USP25: variants seen among roughly 807,000 people sequenced by gnomAD.
USP25 encodes the protein ubiquitin carboxyl-terminal hydrolase 25.
Under a neutral mutation model 158.5 loss-of-function variants are expected in USP25, and 85 were observed. The observed-to-expected ratio is 0.54, with a 90% confidence interval of 0.45 to 0.64. The LOEUF (loss-of-function observed/expected upper bound fraction) is 0.64, where lower values mean the gene tolerates loss of function less well. Ranked by LOEUF, USP25 falls within the 30% of genes least tolerant of loss-of-function variation. USP25 has a pLI of 0.00. For missense variants in USP25, 1,242 were observed against 1,327.3 expected (o/e 0.94, Z 1.00); for synonymous variants, 464 against 460.4 (o/e 1.01, Z -0.10).
At chr21:15,777,495 G>T (rs1023109742) in intron 3 of USP25, among the ~76,000 whole-genome samples, 4 of 152,220 alleles carry the variant, frequency 2.6e-5, no homozygotes, top group Admixed American at 2.0e-4. Context: ...ATGTCTAGAT[G>T]GTAGTAGTAT....
intron 1 of USP25, among the ~76,000 whole-genome samples, chr21:15,741,545 G>A (rs2032058802): frequency 6.6e-6 from 1 of 152,134 alleles, no homozygotes; most frequent in Admixed American, 6.5e-5. Flanking sequence ...TGAATATGTG[G>A]TGTACCTCAT....
At position 15,827,836 on chromosome 21, in the gene USP25, ACT is replaced by A. The variant is rs553682378; in HGVS notation, c.1693+638_1693+639del. 1.9e-4 allele frequency among the ~76,000 whole-genome samples: 27 copies of A among 142,784 alleles called. No homozygotes were observed. The South Asian group carries it at 5.5e-3, about 29-fold the overall frequency. The allele number at this position is 142,784 out of a possible 152,430, so 93.7% of individuals were successfully genotyped here. A position where few individuals can be genotyped will look rare whatever the true frequency, so the allele number is the denominator to read the frequency against. ...TGCCATCTGTCCTTTCTTGGAAGGA[ACT>A]CTCTTTTATTCTTTTCTATTCTATT... is the stretch of plus-strand genomic sequence containing the variant. On this transcript the variant is annotated intron_variant, in intron 14 of 25. Transcript: ENST00000400183.
intron 20 of USP25, among the ~76,000 whole-genome samples, chr21:15,857,123 T>A (rs2039188437): frequency 6.6e-6 from 1 of 152,208 alleles, no homozygotes; most frequent in Non-Finnish European, 1.5e-5. Context: ...CTCAGGCAAT[T>A]TATTAAATTA....
chr21:15,810,890 G>T (rs981442698), intron 8 of USP25, among the ~76,000 whole-genome samples: 1 of 152,140 alleles, frequency 6.6e-6, no homozygotes, highest in Admixed American at 6.5e-5. Context: ...CATACACGTA[G>T]TAGCTCATTT....
At chr21:15,763,954 A>T (rs1191138132) in intron 2 of USP25, among the ~76,000 whole-genome samples, 5 of 152,144 alleles carry the variant, frequency 3.3e-5, no homozygotes, top group Non-Finnish European at 7.4e-5. Context: ...CACAGCCTGT[A>T]TGTGGAGAAG....
intron 3 of USP25, among the ~76,000 whole-genome samples, chr21:15,772,082 T>A (rs2034389880): frequency 6.6e-6 from 1 of 152,192 alleles, no homozygotes; most frequent in Non-Finnish European, 1.5e-5. Flanking sequence ...TAAGATTCAC[T>A]TACATAATTC....
At chr21:15,730,732 A>T (rs2030741141) in intron 1 of USP25, among the ~76,000 whole-genome samples, 1 of 152,216 alleles carries the variant, frequency 6.6e-6, no homozygotes, top group African/African-American at 2.4e-5. Flanking sequence ...TCTGTGTGGC[A>T]TCTTAATGAA....
At chr21:15,866,916 CT>C (rs2039684168) in intron 22 of USP25, among the ~76,000 whole-genome samples, 1 of 152,172 alleles carries the variant, frequency 6.6e-6, no homozygotes, top group Non-Finnish European at 1.5e-5. Flanking sequence ...ACATTCTTAA[CT>C]GTTGCACTAC....
At chr21:15,832,089 A>G (rs1218788444) in intron 16 of USP25, among the ~76,000 whole-genome samples, 2 of 152,308 alleles carry the variant, frequency 1.3e-5, no homozygotes, top group Non-Finnish European at 2.9e-5. Context: ...ATTTTTTGCT[A>G]GTAATTCTTT....
At chr21:15,799,949 A>C in intron 6 of USP25, 106 bp downstream of exon 6, 1 of 548,020 alleles carries the variant, frequency 1.8e-6, no homozygotes, top group Non-Finnish European at 3.0e-6. Flanking sequence ...GAAACTGTCA[A>C]TTTGAATGTC....
intron 8 of USP25, among the ~76,000 whole-genome samples, chr21:15,809,138 G>A (rs527944104): frequency 2.0e-5 from 3 of 152,268 alleles, no homozygotes; most frequent in Admixed American, 6.5e-5. Context: ...TTTTCATGAC[G>A]AGGAATGAAT....
intron 7 of USP25, among the ~76,000 whole-genome samples, chr21:15,806,337 T>C (rs1165829295): frequency 6.6e-6 from 1 of 152,098 alleles, no homozygotes. Flanking sequence ...CCAGTGATTC[T>C]GAGTATACAA....
rs112495021 is a variant in USP25 at position 15,805,106 on chromosome 21, T to G, written c.643-15T>G. ...CAGTTAAGGTGTTTTTGTTTTTGTT[T>G]TTTTCCTTCAATAGGAACATCGGAA... On this transcript the variant is annotated splice_polypyrimidine_tract_variant and intron_variant, in intron 6 of 25. Coordinates refer to ENST00000400183, the MANE Select transcript of USP25 (RefSeq NM_001283041.3). 6.4e-6 allele frequency: 10 copies of G among 1,563,704 alleles called. No individual in the cohort carries two copies. The African/African-American group carries it at 7.0e-5, about 11-fold the overall frequency.
At chr21:15,830,667 C>T (rs1248698944) in intron 15 of USP25, 66 bp downstream of exon 15, 4 of 1,261,090 alleles carry the variant, frequency 3.2e-6, no homozygotes, top group Admixed American at 2.5e-5. Flanking sequence ...TTTACCTTTA[C>T]ATTATCTTAA....
intron 14 of USP25, among the ~76,000 whole-genome samples, chr21:15,829,626 T>A (rs1198780072): frequency 6.6e-6 from 1 of 152,360 alleles, no homozygotes; most frequent in African/African-American, 2.4e-5. Flanking sequence ...GCCCATTTTT[T>A]AAGTATTGAG....
intron 17 of USP25, among the ~76,000 whole-genome samples, chr21:15,841,834 A>T (rs1042575491): frequency 2.0e-5 from 3 of 152,070 alleles, no homozygotes; most frequent in Non-Finnish European, 2.9e-5. Context: ...TTCATTGTAC[A>T]TTGTTGGATA....
chr21:15,768,558 T>C (rs2123443312), intron 3 of USP25, among the ~76,000 whole-genome samples: 1 of 152,166 alleles, frequency 6.6e-6, no homozygotes, highest in Admixed American at 6.5e-5. Flanking sequence ...TCTTGGAAGA[T>C]GTGGTAAAAC....
At chr21:15,824,597 TTCTG>T (rs999013641) in intron 11 of USP25, among the ~76,000 whole-genome samples, 12 of 152,106 alleles carry the variant, frequency 7.9e-5, no homozygotes, top group African/African-American at 1.7e-4. Flanking sequence ...CTGTCTGTCT[TTCTG>T]TCTATCTTTC....
At chr21:15,862,061 TA>T (rs1331714103) in intron 20 of USP25, among the ~76,000 whole-genome samples, 2 of 152,110 alleles carry the variant, frequency 1.3e-5, no homozygotes, top group East Asian at 3.9e-4. Flanking sequence ...TGAAAGTAGG[TA>T]GGGGAATGAT....
Sources: allele counts gnomAD v4.1 joint callset (sites outside exome capture counted in the v4.1 genomes callset), GRCh38; gene constraint gnomAD v4.1.1; transcripts MANE v1.5; gene names NCBI Gene and HGNC (gene_info 2026-07-23, HGNC 2026-07-21).